The following RABGAP1L variants were observed in gnomAD, a reference collection of about 807,000 sequenced individuals.
RABGAP1L encodes the protein rab GTPase-activating protein 1-like.
In RABGAP1L, 63 loss-of-function variants were observed where a neutral mutation model predicts 137.7. The ratio of observed to expected loss-of-function variants is 0.46; its 90% CI spans 0.37 to 0.56. The LOEUF (loss-of-function observed/expected upper bound fraction) is 0.56. Ranked by LOEUF, RABGAP1L falls within the 20% of genes least tolerant of loss-of-function variation. The pLI, the probability that RABGAP1L is intolerant of heterozygous loss-of-function variation, is 0.00. For missense variants in RABGAP1L, 1,095 were observed against 1,244.0 expected, an observed-to-expected ratio of 0.88 and a Z score of 1.80; for synonymous variants, 431 against 433.7, an observed-to-expected ratio of 0.99 and a Z score of 0.08.
chr1:174,763,671 AAAAAAAAAAAAAAAAAAT>A, intron 18 of RABGAP1L, among the ~76,000 whole-genome samples: 1 of 135,280 alleles, frequency 7.4e-6, no homozygotes, highest in Admixed American at 7.4e-5. Flanking sequence ...AAAAAAAAAA[AAAAAAAAAAAAAAAAAAT>A]TAGCCAGGCG....
chr1:174,231,306 C>T lies in RABGAP1L; in HGVS notation c.493C>T (p.Pro165Ser), dbSNP rs774012891. ...MATMKSSSQY[P>S]FPVTLYVPNV... is the part of the protein sequence containing the mutation. ...AACCATGAAATCTTCCAGTCAATAC[C>T]CCTTTCCTGTTACCCTGTATGTACC... The change falls in exon 4 of 26, where the codon CCC becomes TCC. Residue 165 changes from proline (P) to serine (S), a missense_variant. Physicochemically the swap from Pro to Ser is moderately conservative, Grantham distance 74. Around this residue, in one of 4 missense-constraint regions of RABGAP1L, gnomAD observed 356 missense variants for 326.3 expected, o/e 1.09. Coordinates refer to ENST00000681986, the MANE Select transcript of RABGAP1L (RefSeq NM_001366446.1). 1.9e-5 allele frequency: 30 copies of T among 1,613,984 alleles called. No individual in the cohort carries two copies. The highest frequency in any genetic ancestry group is 3.3e-5 in the South Asian group (3 of 91,088).
At chr1:174,204,381 C>T (rs1236484604) in intron 1 of RABGAP1L, among the ~76,000 whole-genome samples, 1 of 152,128 alleles carries the variant, frequency 6.6e-6, no homozygotes, top group Non-Finnish European at 1.5e-5. Flanking sequence ...GACTTCTACT[C>T]TTTCTGTTTG....
chr1:174,699,471 C>A, intron 15 of RABGAP1L, 54 bp from the exon 16 acceptor site: 1 of 1,537,676 alleles, frequency 6.5e-7, no homozygotes, highest in Non-Finnish European at 8.8e-7. Context: ...ACTTTTTTGA[C>A]ATTCTGGCAA....
intron 19 of RABGAP1L, among the ~76,000 whole-genome samples, chr1:174,820,178 A>G (rs760630905): frequency 6.6e-6 from 1 of 152,212 alleles, no homozygotes; most frequent in African/African-American, 2.4e-5. Flanking sequence ...TAGTAGTCCA[A>G]ATGTATATAT....
At chr1:174,532,665 A>G (rs1303190354) in intron 13 of RABGAP1L, among the ~76,000 whole-genome samples, 1 of 152,204 alleles carries the variant, frequency 6.6e-6, no homozygotes, top group Non-Finnish European at 1.5e-5. Flanking sequence ...AATGGAATGG[A>G]AAGACAATAC....
At chr1:174,279,813 TC>T (rs1296887881) in intron 10 of RABGAP1L, among the ~76,000 whole-genome samples, 1 of 152,124 alleles carries the variant, frequency 6.6e-6, no homozygotes, top group African/African-American at 2.4e-5. Flanking sequence ...CTGTCTTCCT[TC>T]CTCCCCATCC....
chr1:174,305,290 G>A (rs2148771360), intron 11 of RABGAP1L, among the ~76,000 whole-genome samples, 163 bp downstream of exon 11: 1 of 152,270 alleles, frequency 6.6e-6, no homozygotes, highest in South Asian at 2.1e-4. Context: ...GGTTCATTTG[G>A]TTCCTAAGTT....
intron 19 of RABGAP1L, among the ~76,000 whole-genome samples, chr1:174,841,089 C>A (rs942253467): frequency 1.3e-5 from 2 of 152,106 alleles, no homozygotes; most frequent in African/African-American, 2.4e-5. Context: ...TTATTCACTT[C>A]TCTTAGTTCA....
intron 19 of RABGAP1L, among the ~76,000 whole-genome samples, chr1:174,859,169 A>G (rs2981895): frequency 0.13 from 19,607 of 152,184 alleles, 4,186 homozygotes; most frequent in African/African-American, 0.44. Flanking sequence ...TTAAATGCCC[A>G]TCAGTGATAG....
At position 174,482,097 on chromosome 1, in the gene RABGAP1L, G is replaced by A. The variant is rs185822813; in HGVS notation, c.1710+87952G>A. On this transcript the variant is annotated intron_variant, in intron 13 of 25. Coordinates refer to ENST00000681986, the MANE Select transcript of RABGAP1L (RefSeq NM_001366446.1). ...AGAGAGTCAGAGTGATACCATGTGA[G>A]ATCTCATCCCTTGCTTTAAAGATGG... Among the ~76,000 whole-genome samples the A allele has an allele frequency of 4.6e-5, 7 of 152,210 alleles. No homozygotes were observed. The East Asian group carries it at 1.4e-3, about 29-fold the overall frequency.
intron 24 of RABGAP1L, among the ~76,000 whole-genome samples, chr1:174,983,275 C>T (rs1671289735): frequency 6.9e-6 from 1 of 144,318 alleles, no homozygotes; most frequent in Non-Finnish European, 1.6e-5. Flanking sequence ...ATCATCCCAT[C>T]ACTCTCTTTA....
chr1:174,539,183 T>G (rs555636943), intron 13 of RABGAP1L, among the ~76,000 whole-genome samples: 1 of 152,134 alleles, frequency 6.6e-6, no homozygotes, highest in Non-Finnish European at 1.5e-5. Flanking sequence ...CATAGATAAA[T>G]CATACATAGG....
At chr1:174,565,747 C>G (rs1044743629) in intron 13 of RABGAP1L, among the ~76,000 whole-genome samples, 2 of 152,242 alleles carry the variant, frequency 1.3e-5, no homozygotes, top group East Asian at 3.9e-4. Flanking sequence ...TAAATGTTTT[C>G]AGACAGGTAA....
At chr1:174,580,454 A>C (rs1221126280) in intron 13 of RABGAP1L, among the ~76,000 whole-genome samples, 1 of 152,238 alleles carries the variant, frequency 6.6e-6, no homozygotes, top group Non-Finnish European at 1.5e-5. Context: ...TGCAGCCATA[A>C]AAAATGATAA....
At chr1:174,918,224 G>C (rs546470411) in intron 19 of RABGAP1L, among the ~76,000 whole-genome samples, 13 of 124,770 alleles carry the variant, frequency 1.0e-4, no homozygotes, top group Middle Eastern at 3.6e-3. Flanking sequence ...ACTGTGGGCT[G>C]ACCTGTTTCC....
chr1:174,231,120 AGT>A, intron 3 of RABGAP1L, 23 bp from the exon 4 acceptor site: 2 of 1,540,476 alleles, frequency 1.3e-6, no homozygotes, highest in Non-Finnish European at 1.8e-6. Context: ...ATGACTTTTG[AGT>A]GTTTCTTTTT....
chr1:174,537,996 A>C (rs1572220585), intron 13 of RABGAP1L, among the ~76,000 whole-genome samples: 1 of 152,096 alleles, frequency 6.6e-6, no homozygotes, highest in East Asian at 1.9e-4. Context: ...TTGTTATGTA[A>C]TTTCCTTATT....
rs529481152 is a variant in RABGAP1L, at chr1:174,206,591, A to T, written c.-33-12534A>T. Among the ~76,000 whole-genome samples, 109 of 152,074 alleles carry T rather than the reference A, an allele frequency of 7.2e-4. 1 individual carries two copies. The highest frequency in any genetic ancestry group is 1.6e-4 in the Non-Finnish European group (11 of 68,000). ...GCCTATCCAATCTTGACTCACCCTT[A>T]TATTTTTAGGTTTCTATTTTAGCTC... is the stretch of plus-strand genomic sequence containing the variant. On this transcript the variant is annotated intron_variant, in intron 1 of 25. Transcript: ENST00000681986.
rs184367104 is a variant in RABGAP1L, at chr1:174,455,097, T to C, written c.1710+60952T>C. On this transcript the variant is annotated intron_variant, in intron 13 of 25. Transcript: ENST00000681986. ...CAGTAATAAATTTAGCAGGAGTCTG[T>C]TATGTCTGATAAATATTTAACATGA... Among the ~76,000 whole-genome samples the C allele has an allele frequency of 3.9e-5, 6 of 152,294 alleles. No homozygotes were observed. The East Asian group carries it at 1.2e-3, about 29-fold the overall frequency.
Sources: allele counts gnomAD v4.1 joint callset (sites outside exome capture counted in the v4.1 genomes callset), GRCh38; gene constraint gnomAD v4.1.1; regional missense constraint gnomAD v4.1.1; transcripts MANE v1.5; gene names NCBI Gene and HGNC (gene_info 2026-07-23, HGNC 2026-07-21).